LRFN5: variants seen among roughly 807,000 people sequenced by gnomAD.
LRFN5 encodes leucine-rich repeat and fibronectin type-III domain-containing protein 5.
Under a neutral mutation model 45.6 loss-of-function variants are expected in LRFN5, and 24 were observed. The ratio of observed to expected loss-of-function variants is 0.53; its 90% confidence interval spans 0.38 to 0.74. The LOEUF (loss-of-function observed/expected upper bound fraction) is 0.74. Ranked by LOEUF, LRFN5 falls within the 30% of genes least tolerant of loss-of-function variation. The probability of loss-of-function intolerance (pLI) is 0.00; values close to 1 mark genes in which losing one functional copy is unlikely to be tolerated. For missense variants in LRFN5, 776 were observed against 861.5 expected (o/e 0.90, Z 1.24); for synonymous variants, 340 against 313.8 (o/e 1.08, Z -0.88).
intron 1 of LRFN5, among the ~76,000 whole-genome samples, chr14:41,764,404 A>G (rs1462388592): frequency 6.6e-6 from 1 of 152,128 alleles, no homozygotes; most frequent in Non-Finnish European, 1.5e-5. Context: ...CACATAGTAA[A>G]TCTTAATAAA....
At chr14:41,711,381 C>T (rs1400620560) in intron 1 of LRFN5, among the ~76,000 whole-genome samples, 3 of 152,082 alleles carry the variant, frequency 2.0e-5, no homozygotes, top group South Asian at 2.1e-4. Context: ...AGCCAGGGCA[C>T]ATGTAGATGA....
intron 1 of LRFN5, among the ~76,000 whole-genome samples, chr14:41,696,895 A>G (rs1458360822): frequency 2.0e-5 from 3 of 151,928 alleles, no homozygotes; most frequent in East Asian, 1.9e-4. Flanking sequence ...CACATTGTCC[A>G]TAGTCTAATC....
intron 2 of LRFN5, among the ~76,000 whole-genome samples, chr14:41,819,088 A>G (rs1888022662): frequency 6.6e-6 from 1 of 152,150 alleles, no homozygotes; most frequent in South Asian, 2.1e-4. Context: ...TTGTATATCC[A>G]TATAGTATTC....
chr14:41,843,627 A>G (rs1888944703), intron 2 of LRFN5, among the ~76,000 whole-genome samples: 2 of 152,152 alleles, frequency 1.3e-5, no homozygotes, highest in South Asian at 4.2e-4. Flanking sequence ...TCCTTTTTTT[A>G]CCATAGGGAT....
chr14:41,771,040 T>C (rs777225537), intron 2 of LRFN5, among the ~76,000 whole-genome samples: 13 of 151,982 alleles, frequency 8.6e-5, no homozygotes, highest in Non-Finnish European at 1.3e-4. Context: ...GCTTAAGGCT[T>C]GTGCCTTCTG....
chr14:41,756,635 G>T (rs1373455634), intron 1 of LRFN5, among the ~76,000 whole-genome samples: 3 of 152,014 alleles, frequency 2.0e-5, no homozygotes, highest in African/African-American at 7.2e-5. Context: ...TCTCTGCATT[G>T]GTTATTCTAG....
In LRFN5 at chr14:41,891,736, C is replaced by T. The variant is rs1361525105; in HGVS notation, c.1872C>T (p.Thr624=). Residue 624 remains threonine (T), a synonymous_variant, in exon 4 of 6, where the codon ACC becomes ACT. Coordinates refer to ENST00000298119, the MANE Select transcript of LRFN5 (RefSeq NM_152447.5). The part of the protein sequence containing the change: ...SETCSSQDSS[T]TTSALPPSWT... ...CTTGTTCGAGTCAGGACTCCTCTACCACTACCTCTGCTTTGCCTCCTTCCT... is the reference window on the plus strand; with the variant it reads ...CTTGTTCGAGTCAGGACTCCTCTACTACTACCTCTGCTTTGCCTCCTTCCT... 3 of 1,614,188 alleles carry T rather than the reference C, an allele frequency of 1.9e-6. No homozygotes were observed. The highest frequency in any genetic ancestry group is 4.5e-5 in the East Asian group (2 of 44,868).
At chr14:41,896,641 G>A (rs1022857) in intron 4 of LRFN5, among the ~76,000 whole-genome samples, 33,411 of 151,946 alleles carry the variant, frequency 0.22, 4,426 homozygotes, top group Middle Eastern at 0.37. Flanking sequence ...TACTTTCAAA[G>A]GACAGATTGC....
At chr14:41,847,019 C>T (rs540825080) in intron 2 of LRFN5, among the ~76,000 whole-genome samples, 2 of 152,218 alleles carry the variant, frequency 1.3e-5, no homozygotes, top group Non-Finnish European at 2.9e-5. Flanking sequence ...GGGATTAGGG[C>T]TTGGACATCT....
chr14:41,667,217 T>C (rs1880943214), intron 1 of LRFN5, among the ~76,000 whole-genome samples: 1 of 152,300 alleles, frequency 6.6e-6, no homozygotes, highest in South Asian at 2.1e-4. Flanking sequence ...TAATGTAGGC[T>C]ATCACTCTGC....
chr14:41,850,295 A>T (rs984390856), intron 2 of LRFN5, among the ~76,000 whole-genome samples: 3 of 151,934 alleles, frequency 2.0e-5, no homozygotes, highest in African/African-American at 4.8e-5. Flanking sequence ...CTAATGAGTG[A>T]TTAATAAAAG....
intron 1 of LRFN5, among the ~76,000 whole-genome samples, chr14:41,682,482 C>G (rs1029712818): frequency 1.3e-5 from 2 of 151,398 alleles, no homozygotes; most frequent in African/African-American, 4.9e-5. Context: ...AAGATCAGAG[C>G]AGAAATAAAT....
intron 1 of LRFN5, among the ~76,000 whole-genome samples, chr14:41,675,663 T>C (rs1881599139): frequency 1.3e-5 from 2 of 152,032 alleles, no homozygotes; most frequent in African/African-American, 4.8e-5. Flanking sequence ...TTATTGTATT[T>C]ATTGCATATG....
At chr14:41,771,429 C>T (rs1193334987) in intron 2 of LRFN5, among the ~76,000 whole-genome samples, 1 of 152,036 alleles carries the variant, frequency 6.6e-6, no homozygotes, top group African/African-American at 2.4e-5. Context: ...CTTTTATCCT[C>T]TGTTTCCCTT....
chr14:41,874,565 C>G (rs1056126125), intron 2 of LRFN5, among the ~76,000 whole-genome samples: 3 of 152,112 alleles, frequency 2.0e-5, no homozygotes, highest in Non-Finnish European at 1.5e-5. Context: ...TTCTTGGGTC[C>G]TTTCTCCTCT....
intron 2 of LRFN5, among the ~76,000 whole-genome samples, chr14:41,807,918 A>G (rs1321135592): frequency 1.3e-5 from 2 of 151,910 alleles, no homozygotes; most frequent in Non-Finnish European, 2.9e-5. Flanking sequence ...AATTTTCACG[A>G]TGTTTATCTC....
chr14:41,901,463 TG>T (rs1326451280), intron 5 of LRFN5, among the ~76,000 whole-genome samples: 16 of 151,384 alleles, frequency 1.1e-4, no homozygotes, highest in African/African-American at 3.2e-4. Flanking sequence ...TGTGTGTGTG[TG>T]TGTAGCTTTG....
chr14:41,742,161 G>T (rs779044988), intron 1 of LRFN5, among the ~76,000 whole-genome samples: 1 of 151,614 alleles, frequency 6.6e-6, no homozygotes, highest in Admixed American at 6.7e-5. Context: ...TGTTACTTTT[G>T]GATATATAGC....
intron 4 of LRFN5, chr14:41,894,338 T>G: frequency 1.1e-6 from 1 of 884,406 alleles, no homozygotes. Flanking sequence ...CTCATAGACA[T>G]TTAAAATTCC....
Sources: allele counts gnomAD v4.1 joint callset (sites outside exome capture counted in the v4.1 genomes callset), GRCh38; gene constraint gnomAD v4.1.1; transcripts MANE v1.5; gene names NCBI Gene and HGNC (gene_info 2026-07-23, HGNC 2026-07-21).